PRMT7: variants seen among roughly 807,000 people sequenced by gnomAD.
PRMT7 encodes protein arginine N-methyltransferase 7.
In PRMT7, 75 loss-of-function variants were observed where a neutral mutation model predicts 85.4. That is an observed-to-expected ratio of 0.88 (90% CI 0.73 to 1.06). The LOEUF (loss-of-function observed/expected upper bound fraction) is 1.06, where lower values mean the gene tolerates loss of function less well. Ranked by LOEUF, PRMT7 falls within the 50% of genes least tolerant of loss-of-function variation. The pLI is 0.00. For synonymous variants in PRMT7, 397 were observed against 359.5 expected (o/e 1.10, Z -1.18); for missense variants, 868 against 915.2 (o/e 0.95, Z 0.67).
At chr16:68,356,326 T>TCGGGGCAGGCAGCCAGG (rs2088448760) in intron 17 of PRMT7, among the ~76,000 whole-genome samples, 1 of 152,132 alleles carries the variant, frequency 6.6e-6, no homozygotes, top group African/African-American at 2.4e-5. Context: ...ACCTCCCAAC[T>TCGGGGCAGGCAGCCAGG]CGGGGCAGGC....
intron 3 of PRMT7, 25 bp downstream of exon 3, chr16:68,316,099 T>C: frequency 2.5e-6 from 4 of 1,596,324 alleles, no homozygotes; most frequent in Non-Finnish European, 3.4e-6. Flanking sequence ...TACAGCAGGC[T>C]GCAGCTGGGT....
intron 4 of PRMT7, among the ~76,000 whole-genome samples, chr16:68,322,663 T>G (rs1433707847): frequency 6.6e-6 from 1 of 152,168 alleles, no homozygotes; most frequent in East Asian, 1.9e-4. Context: ...TTTAATGGCA[T>G]CGTTAAAGTG....
intron 2 of PRMT7, chr16:68,315,187 A>G (rs2044549876): frequency 6.6e-6 from 1 of 151,960 alleles, no homozygotes; most frequent in Non-Finnish European, 1.5e-5. Flanking sequence ...AAGAAAAAGA[A>G]CAATACTTTT....
At chr16:68,332,531 C>T (rs1402630508) in intron 6 of PRMT7, among the ~76,000 whole-genome samples, 1 of 152,218 alleles carries the variant, frequency 6.6e-6, no homozygotes, top group African/African-American at 2.4e-5. Context: ...TCCCAGGCCT[C>T]TGAGAGCTCC....
chr16:68,319,955 C>T (rs2082306293), intron 3 of PRMT7, among the ~76,000 whole-genome samples: 1 of 152,144 alleles, frequency 6.6e-6, no homozygotes, highest in African/African-American at 2.4e-5. Flanking sequence ...AGTGATTCTC[C>T]TCCCTTTACT....
At position 68,339,445 on chromosome 16, in the gene PRMT7, A is replaced by G. The variant is rs1567696902; in HGVS notation, c.628A>G (p.Ile210Val). 5.0e-6 allele frequency: 8 copies of G among 1,614,120 alleles called. No homozygotes were observed. The highest frequency in any genetic ancestry group is 1.7e-5 in the Admixed American group (1 of 60,004). Residue 210 changes from isoleucine to valine, a missense_variant, in exon 8 of 19, where the codon ATC (isoleucine) becomes GTC (valine). Transcript: ENST00000441236. ...HVQTSLGEQV[I>V]VPPVDVESCP... ...GCAGACCAGCCTCGGAGAGCAGGTC[A>G]TCGTCCCTCCCGTTGACGTGGAGAG...
intron 9 of PRMT7, among the ~76,000 whole-genome samples, chr16:68,340,246 C>G (rs2085305784): frequency 6.6e-6 from 1 of 152,128 alleles, no homozygotes; most frequent in East Asian, 1.9e-4. Flanking sequence ...TAGATACCAC[C>G]CCTCATCCCC....
At chr16:68,339,722 T>C in intron 8 of PRMT7, 66 bp from the exon 9 acceptor site, 1 of 1,582,950 alleles carries the variant, frequency 6.3e-7, no homozygotes. Context: ...GAAGTCACTG[T>C]AAAAGCTTAA....
intron 3 of PRMT7, among the ~76,000 whole-genome samples, chr16:68,319,698 CAAT>C (rs959495621): frequency 1.2e-4 from 9 of 74,658 alleles, no homozygotes; most frequent in African/African-American, 5.4e-4. Context: ...CCAGCCTTCT[CAAT>C]AAGAGTGAGA....
intron 7 of PRMT7, among the ~76,000 whole-genome samples, chr16:68,338,475 G>C (rs1379413696): frequency 6.6e-6 from 1 of 152,008 alleles, no homozygotes; most frequent in African/African-American, 2.4e-5. Context: ...GAGATGCATG[G>C]ATTTACTCAG....
At chr16:68,321,108 TAAATAC>T (rs1308037727) in intron 3 of PRMT7, among the ~76,000 whole-genome samples, 1 of 151,902 alleles carries the variant, frequency 6.6e-6, no homozygotes, top group African/African-American at 2.4e-5. Flanking sequence ...ATCTCTAATG[TAAATAC>T]AAAAATTAGC....
intron 4 of PRMT7, chr16:68,324,357 GTCC>G: frequency 2.9e-6 from 1 of 349,348 alleles, no homozygotes; most frequent in Non-Finnish European, 5.4e-6. Flanking sequence ...AGCCTGCTCT[GTCC>G]TCCTACCTTC....
intron 5 of PRMT7, among the ~76,000 whole-genome samples, chr16:68,327,491 A>G (rs1372633635): frequency 8.6e-5 from 13 of 152,044 alleles, no homozygotes; most frequent in Admixed American, 8.5e-4. Flanking sequence ...AGGATAGGGA[A>G]GGCTCAGTGA....
chr16:68,348,914 C>T (rs142136442), intron 14 of PRMT7, among the ~76,000 whole-genome samples: 87 of 152,238 alleles, frequency 5.7e-4, no homozygotes, highest in African/African-American at 1.9e-3. Flanking sequence ...GTCGGGGTTA[C>T]AGGCATGAGC....
chr16:68,334,236 T>C (rs2084336928), intron 6 of PRMT7, among the ~76,000 whole-genome samples: 1 of 152,238 alleles, frequency 6.6e-6, no homozygotes, highest in South Asian at 2.1e-4. Flanking sequence ...GGGCCTGTCA[T>C]GTAAAGGAGT....
chr16:68,345,379 G>A lies in PRMT7; in HGVS notation c.928-296G>A, dbSNP rs566260630. Among the ~76,000 whole-genome samples the A allele has an allele frequency of 2.6e-5, 4 of 152,276 alleles. No individual in the cohort carries two copies. The South Asian group carries it at 8.3e-4, about 32-fold the overall frequency. On this transcript the variant is annotated intron_variant, in intron 9 of 18. Transcript: ENST00000441236. ...TCTACGTGTTGAAGAGAGAGCTTTG[G>A]TGCTACTCTGATGGGGTGGGGACTG...
chr16:68,335,176 G>A (rs1308032379), intron 6 of PRMT7, among the ~76,000 whole-genome samples: 2 of 152,200 alleles, frequency 1.3e-5, no homozygotes, highest in Non-Finnish European at 2.9e-5. Context: ...TCAGGAGATA[G>A]AATTGGCAGA....
At chr16:68,330,343 T>C (rs2083689504) in intron 6 of PRMT7, among the ~76,000 whole-genome samples, 1 of 152,164 alleles carries the variant, frequency 6.6e-6, no homozygotes, top group Admixed American at 6.5e-5. Context: ...TAATTTTTTG[T>C]GGAGATAGGG....
chr16:68,319,711 A>AGTGTGT (rs369478826), intron 3 of PRMT7, among the ~76,000 whole-genome samples: 6,643 of 141,496 alleles, frequency 0.047, 273 homozygotes, highest in African/African-American at 0.11. Flanking sequence ...TAAGAGTGAG[A>AGTGTGT]GTGTGTGTGT....
Sources: gnomAD v4.1 joint callset for allele counts (sites outside exome capture counted in the v4.1 genomes callset) on GRCh38, gnomAD v4.1.1 for gene constraint, MANE v1.5 for transcripts, NCBI Gene and HGNC (gene_info 2026-07-23, HGNC 2026-07-21) for gene names.